The following WWP1 variants were observed in gnomAD, a reference collection of about 807,000 sequenced individuals.
The protein encoded by WWP1 is NEDD4-like E3 ubiquitin-protein ligase WWP1.
A neutral mutation model predicts 130.6 loss-of-function variants in WWP1; 49 were observed. That is an observed-to-expected ratio of 0.38 (90% CI 0.30 to 0.48). The LOEUF (loss-of-function observed/expected upper bound fraction) is 0.48. WWP1 is among the 20% of genes least tolerant of loss of function. WWP1 has a pLI of 0.99. For synonymous variants in WWP1, 332 were observed against 367.8 expected, an observed-to-expected ratio of 0.90 and a Z score of 1.11; for missense variants, 809 against 1,100.6, an observed-to-expected ratio of 0.74 and a Z score of 3.75.
At chr8:86,345,263 T>A (rs996710240) in intron 1 of WWP1, among the ~76,000 whole-genome samples, 2 of 152,230 alleles carry the variant, frequency 1.3e-5, no homozygotes, top group East Asian at 3.8e-4. Flanking sequence ...TGTGCTACTT[T>A]ACAACTTTTT....
At chr8:86,422,308 A>T (rs1161342338) in intron 9 of WWP1, among the ~76,000 whole-genome samples, 3 of 144,082 alleles carry the variant, frequency 2.1e-5, no homozygotes, top group African/African-American at 5.5e-5. Context: ...TAAACTCAGA[A>T]GTACCAGTTT....
At chr8:86,435,846 C>T (rs1007288299) in intron 16 of WWP1, 142 bp downstream of exon 16, 39 of 761,704 alleles carry the variant, frequency 5.1e-5, no homozygotes, top group Non-Finnish European at 7.3e-5. Flanking sequence ...TTGTTGAGTG[C>T]CTTTGTTTTG....
intron 9 of WWP1, among the ~76,000 whole-genome samples, chr8:86,412,487 C>T (rs142374149): frequency 2.2e-4 from 33 of 152,214 alleles, no homozygotes; most frequent in African/African-American, 7.7e-4. Context: ...GATTAATTGT[C>T]TCTGCCTTCA....
At chr8:86,367,309 C>T (rs1190664970) in intron 1 of WWP1, among the ~76,000 whole-genome samples, 1 of 152,220 alleles carries the variant, frequency 6.6e-6, no homozygotes, top group South Asian at 2.1e-4. Context: ...AGATATGTGA[C>T]AGCATTTATT....
intron 8 of WWP1, among the ~76,000 whole-genome samples, chr8:86,407,919 A>G (rs1330297689): frequency 6.6e-6 from 1 of 152,200 alleles, no homozygotes; most frequent in African/African-American, 2.4e-5. Flanking sequence ...CATAGTTTAC[A>G]TTACCTTATA....
Position 86,427,901 on chromosome 8 carries a change from A to T in WWP1, c.1332+84A>T, listed in dbSNP as rs578239809. 42 of 1,349,332 alleles carry T rather than the reference A, an allele frequency of 3.1e-5. No individual in the cohort carries two copies. In the Admixed American group the frequency reaches 3.9e-4, roughly 13 times the overall value. The allele number at this position is 1,349,332 out of a possible 1,614,324, so 83.6% of individuals were successfully genotyped here. On this transcript the variant is annotated intron_variant, in intron 11 of 24. Transcript: ENST00000517970. ...TTTTTTTTTGCTATCCCTTGACCATAATCACATATCTATTTTGGTGATTTT... is the reference window on the plus strand; with the variant it reads ...TTTTTTTTTGCTATCCCTTGACCATTATCACATATCTATTTTGGTGATTTT...
chr8:86,462,060 A>T (rs1811797061), intron 24 of WWP1, among the ~76,000 whole-genome samples: 1 of 152,214 alleles, frequency 6.6e-6, no homozygotes, highest in Non-Finnish European at 1.5e-5. Flanking sequence ...GTGATTCAAC[A>T]AGTATTAGTG....
At chr8:86,395,188 G>C (rs917924498) in intron 5 of WWP1, among the ~76,000 whole-genome samples, 3 of 152,068 alleles carry the variant, frequency 2.0e-5, no homozygotes, top group Non-Finnish European at 2.9e-5. Context: ...TTAAGCTAAC[G>C]TCAGAGAATA....
intron 21 of WWP1, among the ~76,000 whole-genome samples, chr8:86,453,326 A>G (rs1221004869): frequency 2.0e-5 from 3 of 152,092 alleles, no homozygotes; most frequent in Non-Finnish European, 2.9e-5. Flanking sequence ...ACTCAGCCTA[A>G]TATCCTCAAG....
At chr8:86,355,112 C>T (rs968338076) in intron 1 of WWP1, among the ~76,000 whole-genome samples, 3 of 152,182 alleles carry the variant, frequency 2.0e-5, no homozygotes, top group Non-Finnish European at 4.4e-5. Context: ...ATGTGCTCTT[C>T]TCAAACTTAA....
chr8:86,382,614 G>A (rs767812686), intron 5 of WWP1, among the ~76,000 whole-genome samples: 3 of 152,142 alleles, frequency 2.0e-5, no homozygotes, highest in Non-Finnish European at 4.4e-5. Flanking sequence ...CAGGAGAATC[G>A]CTTGAACCCG....
At chr8:86,419,046 T>G (rs1809048097) in intron 9 of WWP1, among the ~76,000 whole-genome samples, 1 of 152,182 alleles carries the variant, frequency 6.6e-6, no homozygotes, top group Non-Finnish European at 1.5e-5. Flanking sequence ...TTCAGTGCCC[T>G]TCTCATTAGA....
chr8:86,382,056 A>G (rs963346798), intron 5 of WWP1, among the ~76,000 whole-genome samples: 2 of 152,070 alleles, frequency 1.3e-5, no homozygotes, highest in Non-Finnish European at 2.9e-5. Context: ...AAGATAGACA[A>G]TTATAGAGTA....
intron 20 of WWP1, among the ~76,000 whole-genome samples, chr8:86,451,214 TAAAAAAAAAAAAAAAAAAAAAA>T (rs61141803): frequency 2.5e-4 from 11 of 43,680 alleles, no homozygotes; most frequent in South Asian, 9.0e-4. Flanking sequence ...CCTATGTTAT[TAAAAAAAAAAAAAAAAAAAAAA>T]AAAAAAAAAA....
chr8:86,381,427 C>G, intron 4 of WWP1, 78 bp from the exon 5 acceptor site: 1 of 1,471,402 alleles, frequency 6.8e-7, no homozygotes, highest in Non-Finnish European at 9.1e-7. Context: ...GAAATAAATG[C>G]TTTAATAGGA....
At chr8:86,457,863 T>G (rs2130774008) in intron 21 of WWP1, 58 bp from the exon 22 acceptor site, 4 of 1,522,132 alleles carry the variant, frequency 2.6e-6, no homozygotes, top group South Asian at 1.1e-5. Flanking sequence ...ATTTCAGTCA[T>G]ATAATTATTC....
At chr8:86,443,961 G>T (rs1447475159) in intron 18 of WWP1, among the ~76,000 whole-genome samples, 2 of 152,174 alleles carry the variant, frequency 1.3e-5, no homozygotes, top group Non-Finnish European at 2.9e-5. Flanking sequence ...TAAGAGTTGA[G>T]TAGGGCAATG....
intron 1 of WWP1, among the ~76,000 whole-genome samples, chr8:86,354,938 CCTTT>C (rs1823169112): frequency 6.6e-6 from 1 of 152,024 alleles, no homozygotes; most frequent in Admixed American, 6.6e-5. Flanking sequence ...AATATTAACA[CCTTT>C]TTTTAAAAAA....
chr8:86,466,144 G>A (rs1812105232), intron 24 of WWP1, among the ~76,000 whole-genome samples: 1 of 152,078 alleles, frequency 6.6e-6, no homozygotes, highest in African/African-American at 2.4e-5. Context: ...AAAACGAAAT[G>A]TTATTCCACC....
Sources: allele counts gnomAD v4.1 joint callset (sites outside exome capture counted in the v4.1 genomes callset), GRCh38; gene constraint gnomAD v4.1.1; transcripts MANE v1.5; gene names NCBI Gene and HGNC (gene_info 2026-07-23, HGNC 2026-07-21).